Variants in RBMS3 observed in about 807,000 individuals in gnomAD.
RBMS3 encodes RNA-binding motif, single-stranded-interacting protein 3.
Under a neutral mutation model 66.8 loss-of-function variants are expected in RBMS3, and 27 were observed. That is an observed-to-expected ratio of 0.40 (90% CI 0.30 to 0.56). RBMS3 has a LOEUF of 0.56. Among genes scored for constraint, RBMS3 ranks in the 20% least tolerant of loss-of-function variants. RBMS3 has a pLI of 0.40. For missense variants in RBMS3, 513 were observed against 549.5 expected (o/e 0.93, Z 0.66); for synonymous variants, 188 against 183.0 (o/e 1.03, Z -0.22).
chr3:29,476,200 C>T (rs2042941027), intron 2 of RBMS3, among the ~76,000 whole-genome samples: 2 of 152,162 alleles, frequency 1.3e-5, no homozygotes, highest in Admixed American at 6.5e-5. Context: ...CTTGATTATG[C>T]TTTATGGAAT....
intron 1 of RBMS3, among the ~76,000 whole-genome samples, chr3:29,317,612 G>T (rs6549925): frequency 0.78 from 118,550 of 151,548 alleles, 46,610 homozygotes; most frequent in East Asian, 0.89. Flanking sequence ...TAAAGGAAAC[G>T]CTCTGTAAAT....
At chr3:29,924,164 G>C (rs1313348530) in intron 10 of RBMS3, among the ~76,000 whole-genome samples, 1 of 152,108 alleles carries the variant, frequency 6.6e-6, no homozygotes, top group African/African-American at 2.4e-5. Context: ...ACTCTGCTCT[G>C]GTAAGGAAAT....
chr3:29,739,922 C>CT, intron 5 of RBMS3, 45 bp downstream of exon 5: 4 of 1,353,816 alleles, frequency 3.0e-6, no homozygotes, highest in Non-Finnish European at 3.9e-6. Context: ...CTCATTGTTC[C>CT]TTTTAAATTC....
intron 4 of RBMS3, among the ~76,000 whole-genome samples, chr3:29,691,949 A>AT (rs1294126975): frequency 0.027 from 1,772 of 64,994 alleles, 247 homozygotes; most frequent in East Asian, 0.17. Flanking sequence ...CTCTCTCTCT[A>AT]TTTTTTTTTT....
intron 1 of RBMS3, among the ~76,000 whole-genome samples, chr3:29,418,250 A>G (rs919937406): frequency 6.6e-6 from 1 of 152,150 alleles, no homozygotes; most frequent in Non-Finnish European, 1.5e-5. Flanking sequence ...TCTAATCAAG[A>G]TAAAATAAGT....
At chr3:29,330,088 G>C (rs1256864219) in intron 1 of RBMS3, among the ~76,000 whole-genome samples, 1 of 151,980 alleles carries the variant, frequency 6.6e-6, no homozygotes, top group Non-Finnish European at 1.5e-5. Flanking sequence ...AATAGACCAG[G>C]CATTCAGAGC....
At chr3:29,365,382 A>T (rs1476671873) in intron 1 of RBMS3, among the ~76,000 whole-genome samples, 1 of 147,198 alleles carries the variant, frequency 6.8e-6, no homozygotes, top group East Asian at 1.9e-4. Context: ...AATTCAGTGG[A>T]AAAAAACATT....
At chr3:29,677,111 G>A (rs1033949928) in intron 4 of RBMS3, among the ~76,000 whole-genome samples, 2 of 152,040 alleles carry the variant, frequency 1.3e-5, no homozygotes, top group Admixed American at 6.6e-5. Context: ...CATATCTCAA[G>A]AGAACTCACT....
intron 1 of RBMS3, among the ~76,000 whole-genome samples, chr3:29,331,243 T>A (rs2035635200): frequency 6.6e-6 from 1 of 152,100 alleles, no homozygotes; most frequent in Admixed American, 6.6e-5. Flanking sequence ...GGTGTTTGAC[T>A]TGTGCAGGCT....
At chr3:29,774,461 G>T (rs940039794) in intron 6 of RBMS3, among the ~76,000 whole-genome samples, 1 of 151,860 alleles carries the variant, frequency 6.6e-6, no homozygotes, top group Non-Finnish European at 1.5e-5. Context: ...TAAGACAAAG[G>T]GGTTTTAAAA....
chr3:29,286,157 G>T (rs941470537), intron 1 of RBMS3, among the ~76,000 whole-genome samples: 4 of 152,000 alleles, frequency 2.6e-5, no homozygotes, highest in Non-Finnish European at 5.9e-5. Context: ...CGCTTCGGGG[G>T]GTAATATAAT....
At chr3:29,870,665 A>G (rs1441779734) in intron 7 of RBMS3, among the ~76,000 whole-genome samples, 1 of 152,142 alleles carries the variant, frequency 6.6e-6, no homozygotes, top group Admixed American at 6.6e-5. Flanking sequence ...ATGTGGAAGC[A>G]CTGTGGAGTT....
intron 1 of RBMS3, among the ~76,000 whole-genome samples, chr3:29,337,013 A>T (rs1020605902): frequency 3.3e-5 from 5 of 152,112 alleles, no homozygotes; most frequent in South Asian, 4.1e-4. Context: ...TCTAATTATA[A>T]TTTCATTGTA....
chr3:29,320,716 A>G (rs2034956645), intron 1 of RBMS3, among the ~76,000 whole-genome samples: 1 of 152,068 alleles, frequency 6.6e-6, no homozygotes, highest in Admixed American at 6.6e-5. Flanking sequence ...TGTATTATAA[A>G]AAAGCTATTA....
chr3:29,506,715 T>G (rs1295500855), intron 3 of RBMS3, among the ~76,000 whole-genome samples: 7 of 152,032 alleles, frequency 4.6e-5, no homozygotes, highest in African/African-American at 1.7e-4. Context: ...GGACTTTTCT[T>G]TCATGGGAAA....
chr3:29,872,934 G>A (rs886767351), intron 7 of RBMS3, among the ~76,000 whole-genome samples: 2 of 152,108 alleles, frequency 1.3e-5, no homozygotes, highest in Admixed American at 1.3e-4. Flanking sequence ...TCTCTATTCT[G>A]TTCCGTTGGT....
intron 4 of RBMS3, among the ~76,000 whole-genome samples, chr3:29,597,840 T>C (rs1287996429): frequency 6.6e-6 from 1 of 152,124 alleles, no homozygotes; most frequent in Non-Finnish European, 1.5e-5. Context: ...CATTTTTTCA[T>C]ACTCATGAAT....
At chr3:29,949,223 G>A (rs966557594) in intron 12 of RBMS3, among the ~76,000 whole-genome samples, 1 of 151,112 alleles carries the variant, frequency 6.6e-6, no homozygotes, top group African/African-American at 2.4e-5. Flanking sequence ...TGTTTTCAGA[G>A]GATGGGATAG....
At chr3:29,881,538 G>T (rs1055292187) in intron 7 of RBMS3, among the ~76,000 whole-genome samples, 3 of 152,122 alleles carry the variant, frequency 2.0e-5, no homozygotes, top group African/African-American at 7.2e-5. Context: ...TTGAACTCAG[G>T]TCTGTCTTAT....
Sources: allele counts gnomAD v4.1 joint callset (sites outside exome capture counted in the v4.1 genomes callset), GRCh38; gene constraint gnomAD v4.1.1; transcripts MANE v1.5; gene names NCBI Gene and HGNC (gene_info 2026-07-23, HGNC 2026-07-21).